KIAA2012: variants seen among roughly 807,000 people sequenced by gnomAD.
The protein encoded by KIAA2012 is KIAA2012.
A neutral mutation model predicts 150.6 loss-of-function variants in KIAA2012; 125 were observed. That is an observed-to-expected ratio of 0.83 (90% CI 0.72 to 0.96). The LOEUF (loss-of-function observed/expected upper bound fraction) is 0.96, where lower values mean the gene tolerates loss of function less well. Ranked by LOEUF, KIAA2012 falls within the 40% of genes least tolerant of loss-of-function variation. The pLI is 0.00. For missense variants in KIAA2012, 1,219 were observed against 1,354.9 expected (o/e 0.90, Z 1.57); for synonymous variants, 462 against 504.7 (o/e 0.92, Z 1.13).
intron 2 of KIAA2012, among the ~76,000 whole-genome samples, chr2:202,077,725 C>T (rs1321303168): frequency 1.3e-5 from 2 of 152,172 alleles, no homozygotes; most frequent in Non-Finnish European, 2.9e-5. Context: ...TAATCCAGCA[C>T]TTTGGGAAAC....
chr2:202,099,850 T>A (rs998268934), intron 6 of KIAA2012, 54 bp downstream of exon 6: 2 of 1,439,914 alleles, frequency 1.4e-6, no homozygotes, highest in African/African-American at 2.9e-5. Context: ...TCATGCAGAG[T>A]TCATTTAAGG....
intron 2 of KIAA2012, among the ~76,000 whole-genome samples, chr2:202,076,120 C>T (rs961999165): frequency 2.6e-5 from 4 of 152,230 alleles, no homozygotes; most frequent in African/African-American, 9.6e-5. Context: ...AATACCATCC[C>T]CTCACTGAAG....
chr2:202,164,360 T>C (rs992867230), intron 14 of KIAA2012, among the ~76,000 whole-genome samples: 7 of 152,210 alleles, frequency 4.6e-5, no homozygotes, highest in Non-Finnish European at 8.8e-5. Context: ...ACTCCAGCTG[T>C]ATGACTGTTA....
At chr2:202,178,274 G>A (rs1692038018) in intron 15 of KIAA2012, among the ~76,000 whole-genome samples, 1 of 152,136 alleles carries the variant, frequency 6.6e-6, no homozygotes, top group African/African-American at 2.4e-5. Flanking sequence ...AAACTAAGTG[G>A]CAATGAGTAT....
chr2:202,080,683 C>T lies in KIAA2012; in HGVS notation c.369+5508C>T, dbSNP rs187792357. Among the ~76,000 whole-genome samples, 88 of 114,090 alleles carry T rather than the reference C, an allele frequency of 7.7e-4. 1 individual carries two copies. The East Asian group carries it at 0.016, about 21-fold the overall frequency. 74.8% of individuals were successfully genotyped at this position (114,090 alleles called of 152,430 possible). ...TGCACTCCAAACTGGGCAACAAGAG[C>T]GAAACTCCGTCTCAAAAAAAAAAAA... On this transcript the variant is annotated intron_variant, in intron 2 of 23. Coordinates refer to ENST00000498697, the MANE Select transcript of KIAA2012 (RefSeq NM_001277372.4).
At chr2:202,188,812 A>G (rs1162229149) in intron 18 of KIAA2012, among the ~76,000 whole-genome samples, 1 of 152,190 alleles carries the variant, frequency 6.6e-6, no homozygotes, top group African/African-American at 2.4e-5. Flanking sequence ...AGGATGCCAC[A>G]AGTGTTGAAT....
chr2:202,163,060 A>G (rs1351008534), intron 14 of KIAA2012, among the ~76,000 whole-genome samples: 1 of 151,588 alleles, frequency 6.6e-6, no homozygotes, highest in Non-Finnish European at 1.5e-5. Context: ...AATCTGTTGC[A>G]GTGAATGAAT....
chr2:202,146,917 G>C (rs1453606241), intron 13 of KIAA2012, among the ~76,000 whole-genome samples: 1 of 152,166 alleles, frequency 6.6e-6, no homozygotes, highest in Non-Finnish European at 1.5e-5. Context: ...TTTCCCTCAT[G>C]GGGTCATGAT....
intron 11 of KIAA2012, among the ~76,000 whole-genome samples, chr2:202,118,250 G>A (rs1369388101): frequency 6.6e-6 from 1 of 152,074 alleles, no homozygotes; most frequent in East Asian, 1.9e-4. Flanking sequence ...ACCCTCATGA[G>A]AAATAATGTT....
intron 1 of KIAA2012, 63 bp from the exon 2 acceptor site, chr2:202,074,828 C>T (rs1689285918): frequency 6.9e-7 from 1 of 1,449,958 alleles, no homozygotes; most frequent in Non-Finnish European, 9.2e-7. Flanking sequence ...TTTGCACAAG[C>T]AGTATTTGCT....
chr2:202,180,007 C>T (rs56406827), intron 15 of KIAA2012: 9,213 of 537,202 alleles, frequency 0.017, 713 homozygotes, highest in African/African-American at 0.16. Flanking sequence ...CGCGGTGGCT[C>T]ATGCCTGTAA....
chr2:202,181,507 G>A (rs1471724412), intron 15 of KIAA2012, among the ~76,000 whole-genome samples: 3 of 151,900 alleles, frequency 2.0e-5, no homozygotes, highest in South Asian at 2.1e-4. Flanking sequence ...CCTTGAGCCC[G>A]GGAGTTCAAA....
At chr2:202,169,560 CTGA>C (rs1288355721) in intron 15 of KIAA2012, among the ~76,000 whole-genome samples, 1 of 152,212 alleles carries the variant, frequency 6.6e-6, no homozygotes. Context: ...CCTCATTAAC[CTGA>C]TAAGGCTGGT....
intron 7 of KIAA2012, among the ~76,000 whole-genome samples, chr2:202,100,739 G>A (rs1365114612): frequency 6.6e-6 from 1 of 152,204 alleles, no homozygotes; most frequent in Admixed American, 6.5e-5. Flanking sequence ...TAAGGGGCAA[G>A]GGATTATCTG....
intron 15 of KIAA2012, chr2:202,179,626 C>A: frequency 1.5e-6 from 1 of 658,396 alleles, no homozygotes; most frequent in Non-Finnish European, 2.9e-6. Context: ...TCAGCTAGTG[C>A]GGAGAGTAGC....
intron 15 of KIAA2012, among the ~76,000 whole-genome samples, chr2:202,170,817 C>T (rs113571094): frequency 1.3e-3 from 201 of 152,328 alleles, no homozygotes; most frequent in African/African-American, 4.6e-3. Flanking sequence ...CAGCAGTTCA[C>T]ACTCCCTGTG....
intron 16 of KIAA2012, among the ~76,000 whole-genome samples, chr2:202,185,082 C>T (rs1000769581): frequency 1.9e-4 from 29 of 152,080 alleles, no homozygotes; most frequent in Non-Finnish European, 1.6e-4. Context: ...GTGAAGTTAA[C>T]TCTAACCCTA....
intron 14 of KIAA2012, among the ~76,000 whole-genome samples, chr2:202,157,756 C>G (rs952821223): frequency 6.6e-6 from 1 of 152,164 alleles, no homozygotes; most frequent in Non-Finnish European, 1.5e-5. Flanking sequence ...TATGCTCAAC[C>G]ATCTGTTATA....
At chr2:202,105,630 A>C (rs983237071) in intron 8 of KIAA2012, 131 bp from the exon 9 acceptor site, 9 of 1,220,190 alleles carry the variant, frequency 7.4e-6, no homozygotes, top group Non-Finnish European at 1.0e-5. Flanking sequence ...CCCTCTCTGG[A>C]ATCAGCAAAT....
Sources: gnomAD v4.1 joint callset for allele counts (sites outside exome capture counted in the v4.1 genomes callset) on GRCh38, gnomAD v4.1.1 for gene constraint, MANE v1.5 for transcripts, NCBI Gene and HGNC (gene_info 2026-07-23, HGNC 2026-07-21) for gene names.